PLGRKT: variants seen among roughly 807,000 people sequenced by gnomAD.
The protein encoded by PLGRKT is plasminogen receptor with a C-terminal lysine.
Under a neutral mutation model 18.5 loss-of-function variants are expected in PLGRKT, and 22 were observed. The ratio of observed to expected loss-of-function variants is 1.19; its 90% CI spans 0.85 to 1.70. The LOEUF (loss-of-function observed/expected upper bound fraction) is 1.70, where lower values mean the gene tolerates loss of function less well. Ranked by LOEUF, PLGRKT falls within the 40% of genes most tolerant of loss-of-function variation. The pLI is 0.00. For missense variants in PLGRKT, 235 were observed against 174.4 expected, an observed-to-expected ratio of 1.35 and a Z score of -1.96; for synonymous variants, 72 against 52.8, an observed-to-expected ratio of 1.36 and a Z score of -1.58.
chr9:5,392,047 C>T (rs1180938758), intron 3 of PLGRKT, among the ~76,000 whole-genome samples: 1 of 151,862 alleles, frequency 6.6e-6, no homozygotes, highest in Non-Finnish European at 1.5e-5. Context: ...ACCATGAGAC[C>T]TAGAGGGGGA....
intron 3 of PLGRKT, among the ~76,000 whole-genome samples, chr9:5,363,673 T>C (rs1016192149): frequency 6.6e-6 from 1 of 152,144 alleles, no homozygotes; most frequent in African/African-American, 2.4e-5. Flanking sequence ...CCCAGATGCA[T>C]CTGGCTAGAT....
At chr9:5,423,284 G>A (rs575063046) in intron 3 of PLGRKT, among the ~76,000 whole-genome samples, 5 of 152,174 alleles carry the variant, frequency 3.3e-5, no homozygotes, top group South Asian at 2.1e-4. Context: ...CAACTGGCAC[G>A]TGATAGACAC....
At chr9:5,403,533 C>T (rs1818197612) in intron 3 of PLGRKT, among the ~76,000 whole-genome samples, 1 of 152,190 alleles carries the variant, frequency 6.6e-6, no homozygotes, top group South Asian at 2.1e-4. Context: ...CCATGATTCT[C>T]ATTCTTAATG....
At chr9:5,424,891 G>C (rs1033239646) in intron 3 of PLGRKT, among the ~76,000 whole-genome samples, 2 of 151,086 alleles carry the variant, frequency 1.3e-5, no homozygotes, top group Non-Finnish European at 2.9e-5. Flanking sequence ...GATTATAGGC[G>C]TGAGCTACCC....
intron 3 of PLGRKT, among the ~76,000 whole-genome samples, chr9:5,413,425 T>C (rs1424450247): frequency 6.6e-6 from 1 of 152,178 alleles, no homozygotes; most frequent in Non-Finnish European, 1.5e-5. Flanking sequence ...CAGCTCAGGA[T>C]TTTAAGATAG....
chr9:5,416,335 T>C (rs1047525651), intron 3 of PLGRKT, among the ~76,000 whole-genome samples: 2 of 152,156 alleles, frequency 1.3e-5, no homozygotes, highest in Non-Finnish European at 2.9e-5. Context: ...ACAAGACATG[T>C]AGAAGTCTAA....
intron 3 of PLGRKT, among the ~76,000 whole-genome samples, chr9:5,411,057 T>G (rs889361105): frequency 2.0e-5 from 3 of 152,100 alleles, no homozygotes; most frequent in African/African-American, 4.8e-5. Context: ...GTAGTCATCA[T>G]GAGCAAATAA....
intron 3 of PLGRKT, among the ~76,000 whole-genome samples, chr9:5,389,257 G>T (rs1369401627): frequency 6.6e-6 from 1 of 151,948 alleles, no homozygotes; most frequent in African/African-American, 2.4e-5. Flanking sequence ...TAGTCAGCAG[G>T]GGGGATGCTT....
Position 5,365,874 on chromosome 9 carries a change from T to C in PLGRKT, c.82-3986A>G, listed in dbSNP as rs1817374592. Among the ~76,000 whole-genome samples, 7 of 152,232 alleles carry C rather than the reference T, an allele frequency of 4.6e-5. No homozygotes were observed. In the South Asian group the frequency reaches 1.5e-3, roughly 32 times the overall value. On this transcript the variant is annotated intron_variant, in intron 3 of 5. Coordinates refer to ENST00000223864, the MANE Select transcript of PLGRKT (RefSeq NM_018465.4). Reference sequence around the variant, plus strand: ...GAACAAATATTATATTCTGAGTCGGTTCCCTTACTGTTAAGAATAAAGGCA... The same window carrying C: ...GAACAAATATTATATTCTGAGTCGGCTCCCTTACTGTTAAGAATAAAGGCA...
chr9:5,384,366 G>C (rs1025196212), intron 3 of PLGRKT, among the ~76,000 whole-genome samples: 3 of 152,164 alleles, frequency 2.0e-5, no homozygotes, highest in African/African-American at 7.2e-5. Context: ...TTCAGATAAA[G>C]TTGATAAAAA....
chr9:5,367,987 A>C (rs1817432196), intron 3 of PLGRKT, among the ~76,000 whole-genome samples: 1 of 152,192 alleles, frequency 6.6e-6, no homozygotes, highest in Non-Finnish European at 1.5e-5. Flanking sequence ...CATATGAAAA[A>C]ATGTTCAACA....
intron 3 of PLGRKT, among the ~76,000 whole-genome samples, chr9:5,391,901 C>T (rs1817955894): frequency 6.6e-6 from 1 of 151,884 alleles, no homozygotes; most frequent in African/African-American, 2.4e-5. Flanking sequence ...TCCTTCCATG[C>T]AGAAGTAGGG....
rs140850868 is a variant in PLGRKT at position 5,418,969 on chromosome 9, G to A, written c.81+12928C>T. 133 of 698,282 alleles carry A rather than the reference G, an allele frequency of 1.9e-4. No homozygotes were observed. In the East Asian group the frequency reaches 4.5e-3, roughly 24 times the overall value. 43.3% of individuals were successfully genotyped at this position (698,282 alleles called of 1,614,324 possible). ...CATTCTAGCAGAGTCCTGGGACAGC[G>A]TCTCCATGGTGGACCCTGAGCAGGA... On this transcript the variant is annotated intron_variant, in intron 3 of 5. Transcript: ENST00000223864. This position sits in a 1 kb window ranked among gnomAD's most constrained non-coding sequence, Gnocchi z 4.2.
intron 3 of PLGRKT, among the ~76,000 whole-genome samples, chr9:5,403,448 C>T (rs767782323): frequency 4.6e-5 from 7 of 152,152 alleles, no homozygotes; most frequent in Non-Finnish European, 8.8e-5. Context: ...TGGTCTCGAA[C>T]TCCTGACCTC....
At chr9:5,391,279 C>T (rs1007700915) in intron 3 of PLGRKT, among the ~76,000 whole-genome samples, 1 of 151,894 alleles carries the variant, frequency 6.6e-6, no homozygotes, top group South Asian at 2.1e-4. Context: ...GTTTATGGCA[C>T]TTGGTTTCTT....
intron 3 of PLGRKT, among the ~76,000 whole-genome samples, chr9:5,424,668 T>TTATATATATATATATGTATATATATATA (rs1554634175): frequency 1.8e-5 from 2 of 113,160 alleles, no homozygotes; most frequent in African/African-American, 8.2e-5. Flanking sequence ...ATTATATATT[T>TTATATATATATATATGTATATATATATA]TATATATATA....
At chr9:5,417,981 A>G (rs1818496331) in intron 3 of PLGRKT, among the ~76,000 whole-genome samples, 1 of 152,264 alleles carries the variant, frequency 6.6e-6, no homozygotes, top group Admixed American at 6.5e-5. Context: ...ACTTGCATAC[A>G]GAGCATCTTT....
intron 3 of PLGRKT, among the ~76,000 whole-genome samples, chr9:5,380,736 C>G (rs1817726239): frequency 6.6e-6 from 1 of 152,172 alleles, no homozygotes; most frequent in African/African-American, 2.4e-5. Flanking sequence ...CTTGCCATAA[C>G]CTTGGTGCCT....
At chr9:5,403,437 C>G (rs1409955188) in intron 3 of PLGRKT, among the ~76,000 whole-genome samples, 1 of 152,080 alleles carries the variant, frequency 6.6e-6, no homozygotes, top group East Asian at 1.9e-4. Flanking sequence ...GTTAGCCAGG[C>G]TGGTCTCGAA....
Sources: allele counts gnomAD v4.1 joint callset (sites outside exome capture counted in the v4.1 genomes callset), GRCh38; gene constraint gnomAD v4.1.1; non-coding constraint Gnocchi (gnomAD v3.1); transcripts MANE v1.5; gene names NCBI Gene and HGNC (gene_info 2026-07-23, HGNC 2026-07-21).